Variants in PHF14 observed in about 807,000 individuals in gnomAD.
The protein encoded by PHF14 is PHD finger protein 14.
PHF14 carries 55 observed loss-of-function variants against 117.9 expected under a neutral mutation model. The observed-to-expected ratio is 0.47, with a 90% CI of 0.38 to 0.58. The LOEUF (loss-of-function observed/expected upper bound fraction) is 0.58, where lower values mean the gene tolerates loss of function less well. Ranked by LOEUF, PHF14 falls within the 20% of genes least tolerant of loss-of-function variation. The pLI is 0.00. For synonymous variants in PHF14, 409 were observed against 368.6 expected, an observed-to-expected ratio of 1.11 and a Z score of -1.26; for missense variants, 978 against 1,122.2, an observed-to-expected ratio of 0.87 and a Z score of 1.84.
At position 11,042,876 on chromosome 7, in the gene PHF14, A is replaced by T. The variant is rs1784542859; in HGVS notation, c.2312+62A>T. 2.7e-6 allele frequency: 3 copies of T among 1,113,186 alleles called. No individual in the cohort carries two copies. The Admixed American group carries it at 7.4e-5, about 28-fold the overall frequency. The allele number at this position is 1,113,186 out of a possible 1,614,324, so 69.0% of individuals were successfully genotyped here. On this transcript the variant is annotated intron_variant, in intron 13 of 17. Transcript: ENST00000634607. ...ATTTACTCTTAGTTTCAGCAGTATA[A>T]GATGAAATACTATATTTGTTCATAA... is the stretch of plus-strand genomic sequence containing the variant.
chr7:11,028,944 A>C, intron 7 of PHF14, 126 bp downstream of exon 7: 1 of 785,650 alleles, frequency 1.3e-6, no homozygotes, highest in South Asian at 2.3e-5. Context: ...TGCCAAGATC[A>C]CTGTTCTAAA....
chr7:10,985,555 TCTTAATGGCCTTAACATATG>T (rs1472387516), intron 3 of PHF14, among the ~76,000 whole-genome samples: 8 of 151,134 alleles, frequency 5.3e-5, no homozygotes, highest in East Asian at 3.9e-4. Context: ...TAATTACTGC[TCTTAATGGCCTTAACATATG>T]CTTAATGGCC....
intron 16 of PHF14, among the ~76,000 whole-genome samples, chr7:11,064,175 A>T (rs1215283842): frequency 6.6e-6 from 1 of 151,926 alleles, no homozygotes; most frequent in Non-Finnish European, 1.5e-5. Flanking sequence ...TTTATGCACT[A>T]TTCTTCTTGG....
intron 16 of PHF14, among the ~76,000 whole-genome samples, chr7:11,074,978 C>A (rs929793941): frequency 2.7e-5 from 4 of 149,902 alleles, no homozygotes; most frequent in African/African-American, 5.0e-5. Flanking sequence ...TGCTCTGTCA[C>A]CCATGCTGGA....
At position 11,048,362 on chromosome 7, in the gene PHF14, A is replaced by T. The variant is rs1239584619; in HGVS notation, c.2313-3250A>T. ...GGCGGGGCAGGTGGATCACGAGGTC[A>T]GGAGTTCAAGACCAGCCTGGCCAAC... is the stretch of plus-strand genomic sequence containing the variant. On this transcript the variant is annotated intron_variant, in intron 13 of 17. Transcript: ENST00000634607. 4.6e-5 allele frequency among the ~76,000 whole-genome samples: 7 copies of T among 152,170 alleles called. No homozygotes were observed. The East Asian group carries it at 1.4e-3, about 29-fold the overall frequency.
rs6979420 is a variant in PHF14 at position 11,144,139 on chromosome 7, G to A, written c.2773-25277G>A. 3.8e-3 allele frequency among the ~76,000 whole-genome samples: 585 copies of A among 152,122 alleles called. 2 individuals carry two copies. Among genetic ancestry groups the A allele is most frequent in the African/African-American group, 0.014 (561 of 41,502 alleles). On this transcript the variant is annotated intron_variant, in intron 17 of 17. Coordinates refer to ENST00000634607, the MANE Select transcript of PHF14 (RefSeq NM_001007157.2). ...AAATGCTCAAAATCGCTAATCATCA[G>A]GGAATTGCAAATCAAACCATGATGA...
intron 17 of PHF14, among the ~76,000 whole-genome samples, chr7:11,167,777 C>T (rs545194826): frequency 2.1e-3 from 314 of 152,118 alleles, no homozygotes; most frequent in Non-Finnish European, 3.2e-3. Context: ...GCCTGTAATC[C>T]CGGCACTTTG....
chr7:11,050,294 A>T (rs538173338), intron 13 of PHF14, among the ~76,000 whole-genome samples: 7 of 152,308 alleles, frequency 4.6e-5, no homozygotes, highest in African/African-American at 1.7e-4. Flanking sequence ...TGATATAAAC[A>T]TATAAACTAA....
chr7:11,075,860 G>C lies in PHF14; in HGVS notation c.2654+13775G>C, dbSNP rs146695433. On this transcript the variant is annotated intron_variant, in intron 16 of 17. Coordinates refer to ENST00000634607, the MANE Select transcript of PHF14 (RefSeq NM_001007157.2). ...AAAGTTGCATAGCTAGGCTGGGCGC[G>C]GTGACTCATGCCTGTAATCCCAGCA... 2.5e-4 allele frequency among the ~76,000 whole-genome samples: 38 copies of C among 152,140 alleles called. 1 individual carries two copies. In the East Asian group the frequency reaches 7.3e-3, roughly 29 times the overall value.
chr7:11,058,678 G>A (rs562256024), intron 14 of PHF14, among the ~76,000 whole-genome samples: 1 of 152,218 alleles, frequency 6.6e-6, no homozygotes, highest in Admixed American at 6.5e-5. Context: ...TCTTCATTGG[G>A]CATCACAATG....
intron 17 of PHF14, among the ~76,000 whole-genome samples, chr7:11,139,018 T>C (rs193302215): frequency 4.6e-5 from 7 of 152,308 alleles, no homozygotes; most frequent in Admixed American, 3.9e-4. Context: ...GCTGTGGAGA[T>C]ATTATAAAAA....
At chr7:11,141,578 C>A (rs984647008) in intron 17 of PHF14, among the ~76,000 whole-genome samples, 1 of 151,974 alleles carries the variant, frequency 6.6e-6, no homozygotes, top group Admixed American at 6.6e-5. Flanking sequence ...TTAAAATGTT[C>A]CTGGCATTGT....
Position 11,036,571 on chromosome 7 carries a change from A to C in PHF14, c.1756A>C (p.Met586Leu), listed in dbSNP as rs1255095322. 2 of 1,613,818 alleles carry C rather than the reference A, an allele frequency of 1.2e-6. No homozygotes were observed. Among genetic ancestry groups the C allele is most frequent in the East Asian group, 2.2e-5 (1 of 44,888 alleles). Residue 586 changes from methionine to leucine, a missense_variant, in exon 9 of 18, where the codon ATG becomes CTG. Met to Leu is a conservative substitution (Grantham distance 15). Around this residue, in one of 7 missense-constraint regions of PHF14, gnomAD observed 237 missense variants for 276.4 expected, o/e 0.86. Transcript: ENST00000634607. The stretch of plus-strand genomic sequence containing the variant: ...TAAACTTATGCGGAAAGCAGAACTC[A>C]TGGGGATCAGTACAGATATCTTTCC... Reference protein sequence around the residue: ...IRKLMRKAELMGISTDIFPVD... With the variant: ...IRKLMRKAELLGISTDIFPVD...
Position 11,148,653 on chromosome 7 carries a change from G to T in PHF14, c.2773-20763G>T, listed in dbSNP as rs1423458425. Among the ~76,000 whole-genome samples, 6 of 152,118 alleles carry T rather than the reference G, an allele frequency of 3.9e-5. No homozygotes were observed. The East Asian group carries it at 7.7e-4, about 20-fold the overall frequency. On this transcript the variant is annotated intron_variant, in intron 17 of 17. Transcript: ENST00000634607. ...AAGGCCATGAGGACGATACGCTGTTGTTCACCACTATTACCCCATCTCCTA... is the reference window on the plus strand; with the variant it reads ...AAGGCCATGAGGACGATACGCTGTTTTTCACCACTATTACCCCATCTCCTA...
At chr7:10,974,706 C>T in intron 1 of PHF14, 129 bp from the exon 2 acceptor site, 4 of 624,144 alleles carry the variant, frequency 6.4e-6, no homozygotes, top group Non-Finnish European at 1.1e-5. Flanking sequence ...TCTCCTGACC[C>T]CTTTTGCTGA....
chr7:11,155,761 TG>T lies in PHF14; in HGVS notation c.2773-13654del, dbSNP rs550918252. Among the ~76,000 whole-genome samples the T allele has an allele frequency of 2.2e-3, 331 of 150,434 alleles. 2 individuals carry two copies. Among genetic ancestry groups the T allele is most frequent in the African/African-American group, 7.7e-3 (308 of 39,898 alleles). ...GGGACAGTGTCTGTCTTATATACAA[TG>T]TTTTTTTTTTGTTTTTTTTTAGCAA... On this transcript the variant is annotated intron_variant, in intron 17 of 17. Coordinates refer to ENST00000634607, the MANE Select transcript of PHF14 (RefSeq NM_001007157.2).
rs533010012 is a variant in PHF14 at position 11,028,586 on chromosome 7, G to A, written c.1318-95G>A. 30 of 1,092,996 alleles carry A rather than the reference G, an allele frequency of 2.7e-5. No individual in the cohort carries two copies. The South Asian group carries it at 3.3e-4, about 12-fold the overall frequency. 67.7% of individuals were successfully genotyped at this position (1,092,996 alleles called of 1,614,324 possible). On this transcript the variant is annotated intron_variant, in intron 6 of 17. Coordinates refer to ENST00000634607, the MANE Select transcript of PHF14 (RefSeq NM_001007157.2). ...ATAATTGGTTCATTATTTGTATTTAGCATTTTAAATATTTAGTGGACACTT... is the reference window on the plus strand; with the variant it reads ...ATAATTGGTTCATTATTTGTATTTAACATTTTAAATATTTAGTGGACACTT...
At position 11,057,754 on chromosome 7, in the gene PHF14, T is replaced by C. The variant is rs191886955; in HGVS notation, c.2482-4037T>C. ...TTTAAATACATTGTCTCTAATACCA[T>C]GCCAATCTCTTCTATGGATTTTTTA... On this transcript the variant is annotated intron_variant, in intron 14 of 17. Coordinates refer to ENST00000634607, the MANE Select transcript of PHF14 (RefSeq NM_001007157.2). Among the ~76,000 whole-genome samples the C allele has an allele frequency of 2.8e-4, 42 of 152,316 alleles. No individual in the cohort carries two copies. In the East Asian group the frequency reaches 7.1e-3, roughly 26 times the overall value.
chr7:11,060,521 C>T (rs181362073), intron 14 of PHF14, among the ~76,000 whole-genome samples: 26 of 152,224 alleles, frequency 1.7e-4, no homozygotes, highest in East Asian at 9.7e-4. Context: ...TGTATTTGAC[C>T]TACTTAGGAT....
Sources: gnomAD v4.1 joint callset for allele counts (sites outside exome capture counted in the v4.1 genomes callset) on GRCh38, gnomAD v4.1.1 for gene constraint, gnomAD v4.1.1 regional missense constraint, MANE v1.5 for transcripts, NCBI Gene and HGNC (gene_info 2026-07-23, HGNC 2026-07-21) for gene names.